Variants in UST observed in about 807,000 individuals in gnomAD.
UST encodes the protein chondroitin sulfate 2-O-sulfotransferase.
Under a neutral mutation model 45.6 loss-of-function variants are expected in UST, and 21 were observed. The observed-to-expected ratio is 0.46, with a 90% confidence interval of 0.33 to 0.66. The LOEUF (loss-of-function observed/expected upper bound fraction) is 0.66. Among genes scored for constraint, UST ranks in the 30% least tolerant of loss-of-function variants. The probability of loss-of-function intolerance (pLI) is 0.02; values close to 1 mark genes in which losing one functional copy is unlikely to be tolerated. For missense variants in UST, 463 were observed against 512.4 expected, an observed-to-expected ratio of 0.90 and a Z score of 0.93; for synonymous variants, 215 against 200.6, an observed-to-expected ratio of 1.07 and a Z score of -0.61.
chr6:148,976,611 C>G (rs187367887), intron 5 of UST, among the ~76,000 whole-genome samples: 11 of 152,302 alleles, frequency 7.2e-5, no homozygotes, highest in African/African-American at 2.6e-4. Context: ...AATTATGTGT[C>G]AGTAGGATAA....
At chr6:149,060,378 A>G (rs1478736159) in intron 7 of UST, among the ~76,000 whole-genome samples, 5 of 152,156 alleles carry the variant, frequency 3.3e-5, no homozygotes, top group Non-Finnish European at 7.4e-5. Flanking sequence ...CTGAGTGGCA[A>G]ATGTAGCGCT....
intron 5 of UST, among the ~76,000 whole-genome samples, chr6:148,968,845 C>T (rs555796397): frequency 2.0e-5 from 3 of 152,316 alleles, no homozygotes; most frequent in East Asian, 1.9e-4. Flanking sequence ...AGGCCATCCT[C>T]CATTTGAAGA....
chr6:149,047,020 A>G (rs1405636003), intron 7 of UST, among the ~76,000 whole-genome samples: 2 of 152,198 alleles, frequency 1.3e-5, no homozygotes, highest in Non-Finnish European at 2.9e-5. Context: ...CTTGTGCATT[A>G]TTTTGAAAAT....
chr6:148,948,366 C>T (rs891724567), intron 3 of UST, among the ~76,000 whole-genome samples: 1 of 152,154 alleles, frequency 6.6e-6, no homozygotes, highest in South Asian at 2.1e-4. Flanking sequence ...GGTTAGATAC[C>T]GCCTCTGCTG....
At chr6:148,940,790 C>T (rs1445946041) in intron 2 of UST, among the ~76,000 whole-genome samples, 1 of 152,054 alleles carries the variant, frequency 6.6e-6, no homozygotes, top group African/African-American at 2.4e-5. Context: ...AGCATTTTTT[C>T]ATGTGCTTGT....
At chr6:148,916,932 T>A (rs926551106) in intron 2 of UST, among the ~76,000 whole-genome samples, 1 of 152,250 alleles carries the variant, frequency 6.6e-6, no homozygotes, top group African/African-American at 2.4e-5. Flanking sequence ...CTCATCACGT[T>A]GCATAGTTAG....
chr6:148,967,866 G>A (rs1037740872), intron 5 of UST, among the ~76,000 whole-genome samples: 1 of 152,226 alleles, frequency 6.6e-6, no homozygotes, highest in African/African-American at 2.4e-5. Context: ...CATACAGCTG[G>A]GAGTGGCCAG....
chr6:148,833,814 T>A (rs1439253144), intron 1 of UST, among the ~76,000 whole-genome samples: 1 of 152,238 alleles, frequency 6.6e-6, no homozygotes, highest in Non-Finnish European at 1.5e-5. Context: ...AACATGCCTT[T>A]AAAACCACCC....
intron 1 of UST, among the ~76,000 whole-genome samples, chr6:148,872,073 G>A (rs1297726121): frequency 6.6e-6 from 1 of 152,182 alleles, no homozygotes; most frequent in Non-Finnish European, 1.5e-5. Context: ...GCACGTGCAT[G>A]TCGCGGGTGA....
chr6:148,852,575 C>A (rs1778127967), intron 1 of UST, among the ~76,000 whole-genome samples: 1 of 152,144 alleles, frequency 6.6e-6, no homozygotes, highest in Admixed American at 6.5e-5. Context: ...TATCATAATC[C>A]TCAGAGATCT....
intron 1 of UST, among the ~76,000 whole-genome samples, chr6:148,755,509 A>G (rs1245834751): frequency 6.6e-6 from 1 of 152,046 alleles, no homozygotes; most frequent in Non-Finnish European, 1.5e-5. Flanking sequence ...CTCTACCCAA[A>G]TCTCATCTTG....
chr6:149,006,259 G>A (rs949276796), intron 5 of UST, among the ~76,000 whole-genome samples: 5 of 151,804 alleles, frequency 3.3e-5, no homozygotes, highest in South Asian at 2.1e-4. Context: ...CCACTGACAC[G>A]CCCCAGTATG....
chr6:148,763,406 A>G (rs1255637538), intron 1 of UST, among the ~76,000 whole-genome samples: 3 of 152,222 alleles, frequency 2.0e-5, no homozygotes, highest in East Asian at 3.9e-4. Context: ...GATTCTGGAT[A>G]TTAGTCCTTT....
At chr6:148,968,533 C>T (rs1698957487) in intron 5 of UST, among the ~76,000 whole-genome samples, 1 of 152,240 alleles carries the variant, frequency 6.6e-6, no homozygotes, top group Non-Finnish European at 1.5e-5. Flanking sequence ...TTGGACACAT[C>T]CCAGCACCTG....
intron 1 of UST, among the ~76,000 whole-genome samples, chr6:148,828,944 C>T (rs1409977213): frequency 6.6e-6 from 1 of 152,136 alleles, no homozygotes. Flanking sequence ...TTTGCCTCTT[C>T]CTTAAAAATT....
Position 148,750,934 on chromosome 6 carries a change from T to C in UST, c.247+3257T>C, listed in dbSNP as rs75178524. Among the ~76,000 whole-genome samples the C allele has an allele frequency of 7.6e-4, 115 of 152,206 alleles. No individual in the cohort carries two copies. In the East Asian group the frequency reaches 0.021, roughly 28 times the overall value. On this transcript the variant is annotated intron_variant, in intron 1 of 7. Transcript: ENST00000367463. Reference sequence around the variant, plus strand: ...CTATGTCTAGGCTAGTGGTTCCCAATGTGGGTCCTTGGACCTGCCGCATCA... The same window carrying C: ...CTATGTCTAGGCTAGTGGTTCCCAACGTGGGTCCTTGGACCTGCCGCATCA...
At chr6:148,960,259 A>G (rs1780624304) in intron 4 of UST, among the ~76,000 whole-genome samples, 1 of 152,168 alleles carries the variant, frequency 6.6e-6, no homozygotes, top group African/African-American at 2.4e-5. Flanking sequence ...ATTGCACTCC[A>G]GCCTGGGCAA....
At chr6:148,786,333 C>G (rs1482976052) in intron 1 of UST, among the ~76,000 whole-genome samples, 2 of 152,090 alleles carry the variant, frequency 1.3e-5, no homozygotes, top group African/African-American at 2.4e-5. Flanking sequence ...ATCCCATCAC[C>G]CAGGTATTAA....
intron 7 of UST, among the ~76,000 whole-genome samples, chr6:149,037,478 G>T (rs1163336007): frequency 2.0e-5 from 3 of 152,194 alleles, no homozygotes; most frequent in Non-Finnish European, 4.4e-5. Context: ...TGTGGGGGAG[G>T]GGGTTTTCCC....
Sources: allele counts gnomAD v4.1 joint callset (sites outside exome capture counted in the v4.1 genomes callset), GRCh38; gene constraint gnomAD v4.1.1; transcripts MANE v1.5; gene names NCBI Gene and HGNC (gene_info 2026-07-23, HGNC 2026-07-21).